Variants in KCNIP4 observed in about 807,000 individuals in gnomAD.
The protein encoded by KCNIP4 is Kv channel-interacting protein 4.
A neutral mutation model predicts 34.0 loss-of-function variants in KCNIP4; 12 were observed. The observed-to-expected ratio is 0.35, with a 90% CI of 0.23 to 0.57. KCNIP4 has a LOEUF of 0.57. Among genes scored for constraint, KCNIP4 ranks in the 20% least tolerant of loss-of-function variants. KCNIP4 has a pLI of 0.83. For missense variants in KCNIP4, 238 were observed against 311.7 expected (o/e 0.76, Z 1.78); for synonymous variants, 124 against 102.2 (o/e 1.21, Z -1.29).
In KCNIP4 at chr4:21,376,190, T is replaced by A. The variant is rs183879523; in HGVS notation, c.62-493481A>T. On this transcript the variant is annotated intron_variant, in intron 1 of 8. Transcript: ENST00000382152. Reference sequence around the variant, plus strand: ...ACCTCTGTGGCAGATAAAACTTGTATGTTAAAAAGGAATTTAAAAAGATAA... The same window carrying A: ...ACCTCTGTGGCAGATAAAACTTGTAAGTTAAAAAGGAATTTAAAAAGATAA... Among the ~76,000 whole-genome samples the A allele has an allele frequency of 2.6e-5, 4 of 152,354 alleles. No individual in the cohort carries two copies. The East Asian group carries it at 7.7e-4, about 29-fold the overall frequency.
intron 1 of KCNIP4, among the ~76,000 whole-genome samples, chr4:21,871,352 C>T (rs1019099930): frequency 3.4e-4 from 51 of 148,942 alleles, no homozygotes; most frequent in African/African-American, 1.2e-3. Flanking sequence ...CGTATGTTTA[C>T]TGTGGCACTA....
chr4:20,888,060 G>A (rs1725513710), intron 1 of KCNIP4, among the ~76,000 whole-genome samples: 1 of 151,722 alleles, frequency 6.6e-6, no homozygotes, highest in Non-Finnish European at 1.5e-5. Context: ...GAAATCTCTA[G>A]ATACAAGGGA....
rs992574847 is a variant in KCNIP4 at position 21,432,318 on chromosome 4, G to A, written c.61+516253C>T. Among the ~76,000 whole-genome samples, 15 of 151,172 alleles carry A rather than the reference G, an allele frequency of 9.9e-5. 1 individual carries two copies. Among genetic ancestry groups the A allele is most frequent in the African/African-American group, 2.4e-4 (10 of 41,172 alleles). ...TCACACTTATTTCTCCCAAGAGCCC[G>A]ATAAACATTGTTAGTCTACATTGCT... On this transcript the variant is annotated intron_variant, in intron 1 of 8. Transcript: ENST00000382152.
chr4:21,570,111 T>G (rs1740250729), intron 1 of KCNIP4, among the ~76,000 whole-genome samples: 1 of 152,108 alleles, frequency 6.6e-6, no homozygotes, highest in South Asian at 2.1e-4. Context: ...TCTTCCAACT[T>G]CCACCTCCTG....
At chr4:21,309,217 A>G (rs193274090) in intron 1 of KCNIP4, among the ~76,000 whole-genome samples, 7 of 152,182 alleles carry the variant, frequency 4.6e-5, no homozygotes, top group Non-Finnish European at 8.8e-5. Context: ...TAAAGAGAAG[A>G]AGAGAAAGGG....
intron 1 of KCNIP4, among the ~76,000 whole-genome samples, chr4:21,546,511 T>C (rs150156143): frequency 6.6e-6 from 1 of 152,154 alleles, no homozygotes; most frequent in Non-Finnish European, 1.5e-5. Context: ...TTGTATATTC[T>C]TTTTCCTCTC....
chr4:20,750,249 A>T (rs901030992), intron 4 of KCNIP4, among the ~76,000 whole-genome samples: 3 of 152,216 alleles, frequency 2.0e-5, no homozygotes, highest in Non-Finnish European at 4.4e-5. Context: ...AGAAGGAGTA[A>T]ATCTGGGACA....
intron 1 of KCNIP4, among the ~76,000 whole-genome samples, chr4:21,089,788 C>T (rs904340154): frequency 6.6e-6 from 1 of 152,066 alleles, no homozygotes; most frequent in Non-Finnish European, 1.5e-5. Flanking sequence ...TATACTTGAA[C>T]CCCCAGCTTC....
At chr4:21,390,519 A>G (rs1266187725) in intron 1 of KCNIP4, among the ~76,000 whole-genome samples, 3 of 152,114 alleles carry the variant, frequency 2.0e-5, no homozygotes, top group Non-Finnish European at 1.5e-5. Flanking sequence ...CTTTCTCCAT[A>G]TGGCTAGCCA....
At chr4:20,964,628 T>C (rs1734171352) in intron 1 of KCNIP4, among the ~76,000 whole-genome samples, 1 of 152,176 alleles carries the variant, frequency 6.6e-6, no homozygotes, top group African/African-American at 2.4e-5. Flanking sequence ...TCTGAGCCAT[T>C]TGTTTAGCCT....
chr4:21,472,293 C>A (rs1288136501), intron 1 of KCNIP4, among the ~76,000 whole-genome samples: 1 of 151,698 alleles, frequency 6.6e-6, no homozygotes, highest in African/African-American at 2.4e-5. Flanking sequence ...TGCAGAGGAC[C>A]CCGAGATCGT....
intron 2 of KCNIP4, among the ~76,000 whole-genome samples, chr4:20,865,696 A>G (rs571291941): frequency 1.3e-5 from 2 of 152,216 alleles, no homozygotes; most frequent in East Asian, 3.9e-4. Flanking sequence ...AACAATGGTT[A>G]AAGTGGGGAG....
At chr4:20,809,979 G>C (rs1715523318) in intron 3 of KCNIP4, among the ~76,000 whole-genome samples, 1 of 152,180 alleles carries the variant, frequency 6.6e-6, no homozygotes, top group Non-Finnish European at 1.5e-5. Flanking sequence ...CAAAGTCAGA[G>C]AAACATGATC....
chr4:20,805,186 CTTTTTTTTT>C (rs10552321), intron 3 of KCNIP4, among the ~76,000 whole-genome samples: 5 of 92,078 alleles, frequency 5.4e-5, no homozygotes, highest in Non-Finnish European at 6.2e-5. Flanking sequence ...TAGATGCTTC[CTTTTTTTTT>C]TTTTTTTTTT....
At chr4:20,971,937 A>G (rs1239746146) in intron 1 of KCNIP4, among the ~76,000 whole-genome samples, 1 of 152,146 alleles carries the variant, frequency 6.6e-6, no homozygotes, top group Non-Finnish European at 1.5e-5. Flanking sequence ...ATTCTTAGCT[A>G]TCAATTGAAT....
In KCNIP4 at chr4:21,686,870, G is replaced by A. The variant is rs937021829; in HGVS notation, c.61+261701C>T. Among the ~76,000 whole-genome samples, 5 of 151,140 alleles carry A rather than the reference G, an allele frequency of 3.3e-5. No individual in the cohort carries two copies. The South Asian group carries it at 6.3e-4, about 19-fold the overall frequency. On this transcript the variant is annotated intron_variant, in intron 1 of 8. Coordinates refer to ENST00000382152, the MANE Select transcript of KCNIP4 (RefSeq NM_025221.6). ...TGCTGCTATAAAGACACATGCACAC[G>A]TATGTTTATTGCGGCATTATTCACA...
intron 1 of KCNIP4, among the ~76,000 whole-genome samples, chr4:21,861,949 T>C (rs1379237144): frequency 1.3e-5 from 2 of 152,150 alleles, no homozygotes; most frequent in African/African-American, 4.8e-5. Flanking sequence ...TCTCTTTTCC[T>C]CTCACTGCCT....
At chr4:20,983,904 A>G (rs1241138279) in intron 1 of KCNIP4, 8 of 1,535,930 alleles carry the variant, frequency 5.2e-6, no homozygotes, top group Non-Finnish European at 6.1e-6. Flanking sequence ...AGTCCTTCGG[A>G]CTCCCACTCC....
chr4:20,882,809 G>A (rs1001956377), intron 1 of KCNIP4, 100 bp from the exon 2 acceptor site: 44 of 844,150 alleles, frequency 5.2e-5, no homozygotes, highest in Non-Finnish European at 7.4e-5. Flanking sequence ...GATCAGGGAC[G>A]CAGCCATCCA....
Sources: gnomAD v4.1 joint callset for allele counts (sites outside exome capture counted in the v4.1 genomes callset) on GRCh38, gnomAD v4.1.1 for gene constraint, MANE v1.5 for transcripts, NCBI Gene and HGNC (gene_info 2026-07-23, HGNC 2026-07-21) for gene names.